Variants in GSE1 observed in about 807,000 individuals in gnomAD.
GSE1 encodes the protein genetic suppressor element 1.
GSE1 carries 32 observed loss-of-function variants against 112.6 expected under a neutral mutation model. That is an observed-to-expected ratio of 0.28 (90% confidence interval 0.21 to 0.38). The LOEUF (loss-of-function observed/expected upper bound fraction) is 0.38, where lower values mean the gene tolerates loss of function less well. GSE1 is among the 10% of genes least tolerant of loss of function. The pLI is 1.00. For synonymous variants in GSE1, 1,115 were observed against 735.6 expected, an observed-to-expected ratio of 1.52 and a Z score of -8.35; for missense variants, 2,348 against 1,699.2, an observed-to-expected ratio of 1.38 and a Z score of -6.71.
intron 2 of GSE1, among the ~76,000 whole-genome samples, chr16:85,372,559 G>A (rs1467879734): frequency 2.0e-5 from 3 of 151,048 alleles, no homozygotes; most frequent in South Asian, 2.1e-4. Flanking sequence ...TGCGCACCTC[G>A]TGCCCTTCTG....
At chr16:85,454,006 C>T (rs548041749) in intron 2 of GSE1, among the ~76,000 whole-genome samples, 86 of 152,278 alleles carry the variant, frequency 5.6e-4, no homozygotes, top group African/African-American at 2.0e-3. Context: ...GGGGCGATTC[C>T]ACCCCCGCCC....
chr16:85,313,153 G>A (rs2045899911), intron 1 of GSE1, among the ~76,000 whole-genome samples: 1 of 152,184 alleles, frequency 6.6e-6, no homozygotes, highest in Non-Finnish European at 1.5e-5. Context: ...AGTGAGAGGT[G>A]GGGCCCCTGG....
At chr16:85,603,145 C>G (rs1404236794) in intron 1 of GSE1, among the ~76,000 whole-genome samples, 1 of 152,256 alleles carries the variant, frequency 6.6e-6, no homozygotes, top group Non-Finnish European at 1.5e-5. Context: ...CCGCCTTTCC[C>G]CTGCATGGGA....
At chr16:85,427,845 T>C in intron 2 of GSE1, among the ~76,000 whole-genome samples, 1 of 152,156 alleles carries the variant, frequency 6.6e-6, no homozygotes, top group East Asian at 1.9e-4. Context: ...AATAAATAAA[T>C]AAATAATATG....
At chr16:85,489,133 A>C (rs1408469051) in intron 2 of GSE1, among the ~76,000 whole-genome samples, 1 of 152,134 alleles carries the variant, frequency 6.6e-6, no homozygotes, top group Non-Finnish European at 1.5e-5. Flanking sequence ...TGGGCAACGC[A>C]GGAATGGAAT....
intron 2 of GSE1, among the ~76,000 whole-genome samples, chr16:85,647,251 C>G (rs769341412): frequency 2.0e-5 from 3 of 152,176 alleles, no homozygotes; most frequent in Non-Finnish European, 2.9e-5. Context: ...CTCCTGCCTG[C>G]CCTGCACCCT....
At chr16:85,596,346 C>T (rs1338388868) in intron 1 of GSE1, among the ~76,000 whole-genome samples, 1 of 152,204 alleles carries the variant, frequency 6.6e-6, no homozygotes, top group Admixed American at 6.5e-5. Context: ...TCTCAGACTT[C>T]TGTGACGCTT....
rs1301113026 is a variant in GSE1, at chr16:85,373,984, C to T, written c.2464+16341C>T. On this transcript the variant is annotated intron_variant, in intron 2 of 2. Coordinates refer to the GSE1 transcript ENST00000637419. The surrounding 1 kb of genome is among the most constrained non-coding windows in gnomAD (Gnocchi z 5.1). ...CATCGCCCCACGGTGGCTGCATGTGCGTATGTGTGTGGGTGTCCACATGTG... is the reference window on the plus strand; with the variant it reads ...CATCGCCCCACGGTGGCTGCATGTGTGTATGTGTGTGGGTGTCCACATGTG... Among the ~76,000 whole-genome samples, 3 of 152,204 alleles carry T rather than the reference C, an allele frequency of 2.0e-5. No homozygotes were observed. The highest frequency in any genetic ancestry group is 4.4e-5 in the Non-Finnish European group (3 of 68,038).
chr16:85,608,018 C>G (rs1048249237), upstream of GSE1, among the ~76,000 whole-genome samples: 6 of 152,216 alleles, frequency 3.9e-5, no homozygotes, highest in Non-Finnish European at 7.3e-5. Flanking sequence ...TTCAGACCCA[C>G]TGCACTGTGT....
chr16:85,499,956 G>A (rs1023465304), intron 2 of GSE1, among the ~76,000 whole-genome samples: 1 of 152,224 alleles, frequency 6.6e-6, no homozygotes, highest in African/African-American at 2.4e-5. Context: ...TTGGATTCCA[G>A]AAATCCCATG....
At chr16:85,670,909 C>A in intron 14 of GSE1, 86 bp from the exon 15 acceptor site, 2 of 827,014 alleles carry the variant, frequency 2.4e-6, no homozygotes, top group East Asian at 2.5e-5. Flanking sequence ...TTGGGCTCTG[C>A]TGGGCAGGGT....
At chr16:85,415,539 T>G (rs947616602) in intron 2 of GSE1, among the ~76,000 whole-genome samples, 5 of 152,228 alleles carry the variant, frequency 3.3e-5, no homozygotes, top group Non-Finnish European at 5.9e-5. Context: ...GCAAGGCAGA[T>G]GGCCGCCTTC....
intron 2 of GSE1, among the ~76,000 whole-genome samples, chr16:85,488,791 G>T (rs929078342): frequency 5.3e-5 from 8 of 152,298 alleles, no homozygotes; most frequent in Non-Finnish European, 1.5e-5. Context: ...AGAGAATTAG[G>T]CAAGGGCCTC....
chr16:85,645,091 G>A (rs1309478544), intron 2 of GSE1, among the ~76,000 whole-genome samples: 2 of 151,286 alleles, frequency 1.3e-5, no homozygotes, highest in African/African-American at 2.4e-5. Context: ...CTCCTCAGGT[G>A]GATCTAGTAG....
intron 1 of GSE1, among the ~76,000 whole-genome samples, chr16:85,626,823 T>C (rs934757460): frequency 2.0e-5 from 3 of 151,976 alleles, no homozygotes; most frequent in Non-Finnish European, 2.9e-5. Context: ...CCCTCCAGCC[T>C]CGTGGGGAGG....
rs1350789237 is a variant in GSE1 at position 85,646,826 on chromosome 16, C to T, written c.227-1726C>T. On this transcript the variant is annotated intron_variant, in intron 2 of 15. Transcript: ENST00000253458. Reference sequence around the variant, plus strand: ...CTTCTGGAACCCCAGGCCCAGGCCTCACTGGCAGCCCCAGCCTCTGGGGAG... The same window carrying T: ...CTTCTGGAACCCCAGGCCCAGGCCTTACTGGCAGCCCCAGCCTCTGGGGAG... Among the ~76,000 whole-genome samples, 9 of 151,500 alleles carry T rather than the reference C, an allele frequency of 5.9e-5. No individual in the cohort carries two copies. The Admixed American group carries it at 5.9e-4, about 10-fold the overall frequency.
chr16:85,560,585 G>C (rs1286316692), intron 1 of GSE1, among the ~76,000 whole-genome samples: 1 of 152,180 alleles, frequency 6.6e-6, no homozygotes, highest in Non-Finnish European at 1.5e-5. Flanking sequence ...GCAGGGGCAT[G>C]TGTGAAAGGA....
At chr16:85,435,235 C>T (rs1160988398) in intron 2 of GSE1, among the ~76,000 whole-genome samples, 1 of 152,214 alleles carries the variant, frequency 6.6e-6, no homozygotes, top group Non-Finnish European at 1.5e-5. Flanking sequence ...CTTTATGGAG[C>T]AGCCTCCTGG....
chr16:85,248,642 C>A (rs1906127488), intron 1 of GSE1, among the ~76,000 whole-genome samples: 2 of 152,174 alleles, frequency 1.3e-5, no homozygotes, highest in South Asian at 4.1e-4. Context: ...TCGAAGGAGA[C>A]AGAAGTATCT....
Sources: gnomAD v4.1 joint callset for allele counts (sites outside exome capture counted in the v4.1 genomes callset) on GRCh38, gnomAD v4.1.1 for gene constraint, Gnocchi (gnomAD v3.1) non-coding constraint, MANE v1.5 for transcripts, NCBI Gene and HGNC (gene_info 2026-07-23, HGNC 2026-07-21) for gene names.